CDH11: variants seen among roughly 807,000 people sequenced by gnomAD.
The protein encoded by CDH11 is cadherin 11.
Under a neutral mutation model 67.8 loss-of-function variants are expected in CDH11, and 11 were observed. The ratio of observed to expected loss-of-function variants is 0.16; its 90% CI spans 0.10 to 0.27. The LOEUF is 0.27. Among genes scored for constraint, CDH11 ranks in the 10% least tolerant of loss-of-function variants. CDH11 has a pLI of 1.00. For synonymous variants in CDH11, 419 were observed against 400.0 expected, an observed-to-expected ratio of 1.05 and a Z score of -0.57; for missense variants, 847 against 1,031.2, an observed-to-expected ratio of 0.82 and a Z score of 2.45.
At chr16:64,972,086 A>C in intron 9 of CDH11, 22 bp from the exon 10 acceptor site, 1 of 1,612,238 alleles carries the variant, frequency 6.2e-7, no homozygotes, top group Non-Finnish European at 8.5e-7. Flanking sequence ...GAATGCAGAC[A>C]GTCAAGAAAG....
At chr16:64,948,477 G>A in intron 12 of CDH11, 1 of 810,034 alleles carries the variant, frequency 1.2e-6, no homozygotes, top group Non-Finnish European at 2.1e-6. Flanking sequence ...GAAGGTAGCT[G>A]TTTTTCCAAG....
intron 1 of CDH11, among the ~76,000 whole-genome samples, chr16:65,110,506 G>T (rs1324515339): frequency 6.6e-6 from 1 of 152,028 alleles, no homozygotes; most frequent in African/African-American, 2.4e-5. Context: ...AAGGCACCAC[G>T]GTTGTCCCCG....
At chr16:65,039,736 T>C (rs1172367046) in intron 2 of CDH11, among the ~76,000 whole-genome samples, 1 of 152,138 alleles carries the variant, frequency 6.6e-6, no homozygotes, top group Non-Finnish European at 1.5e-5. Context: ...AAAGAGCTTC[T>C]GCACAGCAAA....
At chr16:65,062,112 A>G (rs1273620577) in intron 1 of CDH11, among the ~76,000 whole-genome samples, 1 of 152,220 alleles carries the variant, frequency 6.6e-6, no homozygotes, top group African/African-American at 2.4e-5. Context: ...CAATGATTTA[A>G]AAGAAACATG....
At chr16:64,975,535 T>G (rs1376412343) in intron 8 of CDH11, among the ~76,000 whole-genome samples, 1 of 152,038 alleles carries the variant, frequency 6.6e-6, no homozygotes, top group African/African-American at 2.4e-5. Context: ...AAAGCCCAAG[T>G]AGGATTTAGT....
chr16:65,061,749 C>T (rs1464642787), intron 1 of CDH11, among the ~76,000 whole-genome samples: 1 of 152,206 alleles, frequency 6.6e-6, no homozygotes, highest in Non-Finnish European at 1.5e-5. Flanking sequence ...ATTTCTCTAT[C>T]CCCCAGGAGC....
intron 3 of CDH11, among the ~76,000 whole-genome samples, chr16:65,002,031 AG>A (rs1262177743): frequency 1.3e-5 from 2 of 152,164 alleles, no homozygotes; most frequent in Non-Finnish European, 2.9e-5. Flanking sequence ...ATCAAATCAA[AG>A]GTTGTTAGGA....
At chr16:64,987,948 A>G in intron 7 of CDH11, 1 of 429,520 alleles carries the variant, frequency 2.3e-6, no homozygotes. Flanking sequence ...TCAGGCAGGT[A>G]TCACCAGCCC....
chr16:64,951,638 T>G (rs2071364678), intron 11 of CDH11, among the ~76,000 whole-genome samples: 1 of 152,046 alleles, frequency 6.6e-6, no homozygotes, highest in African/African-American at 2.4e-5. Context: ...AATATTCAAG[T>G]GTGTGTGAGA....
At chr16:64,970,251 C>T (rs1481173143) in intron 11 of CDH11, among the ~76,000 whole-genome samples, 2 of 152,080 alleles carry the variant, frequency 1.3e-5, no homozygotes, top group African/African-American at 4.8e-5. Flanking sequence ...TTATAAGGCC[C>T]ATAATTAAAT....
At chr16:65,085,279 T>G (rs1485795942) in intron 1 of CDH11, among the ~76,000 whole-genome samples, 1 of 152,190 alleles carries the variant, frequency 6.6e-6, no homozygotes, top group East Asian at 1.9e-4. Flanking sequence ...CAAAGCTGCA[T>G]AGTGGTTAAA....
intron 1 of CDH11, among the ~76,000 whole-genome samples, chr16:65,061,154 G>A (rs202103456): frequency 3.3e-5 from 5 of 152,206 alleles, no homozygotes; most frequent in Admixed American, 2.6e-4. Flanking sequence ...GTGGCTATTT[G>A]GTCCTCCCAA....
chr16:64,962,011 G>C (rs1455450911), intron 11 of CDH11, among the ~76,000 whole-genome samples: 3 of 151,964 alleles, frequency 2.0e-5, no homozygotes, highest in Admixed American at 2.0e-4. Context: ...AACCAAGAAT[G>C]GCCATTACTG....
intron 1 of CDH11, among the ~76,000 whole-genome samples, chr16:65,076,336 G>A (rs915626562): frequency 1.1e-4 from 16 of 151,700 alleles, no homozygotes; most frequent in African/African-American, 3.4e-4. Flanking sequence ...GGGTGATGCC[G>A]ACAAACCAAA....
chr16:64,982,257 C>T lies in CDH11; in HGVS notation c.1044G>A (p.Glu348=), dbSNP rs1269392989. 6.2e-7 allele frequency: 1 copy of T among 1,613,288 alleles called. No homozygotes were observed. The highest frequency in any genetic ancestry group is 1.3e-5 in the African/African-American group (1 of 74,892). ...TCGGGTCGATGTGCACGTTGGCTGC[C>T]TCTACCTTCAAGCTATAGGCTCTTT... is the stretch of plus-strand genomic sequence containing the variant. ...ETKRAYSLKV[E]AANVHIDPKF... The change falls in exon 8 of 13, where the codon GAG becomes GAA. Residue 348 remains glutamate, a synonymous_variant. Transcript: ENST00000268603.
At chr16:64,961,566 T>C (rs988423544) in intron 11 of CDH11, among the ~76,000 whole-genome samples, 3 of 152,144 alleles carry the variant, frequency 2.0e-5, no homozygotes, top group Non-Finnish European at 4.4e-5. Flanking sequence ...AATTTACAAC[T>C]GTTTTATAAA....
Position 64,982,061 on chromosome 16 carries a change from T to G in CDH11, c.1240A>C (p.Asn414His). ...ATCCGTCTGTACCTTATCGGGCTGTTGGCAGCATCAGGGTCTTTGGCATGC... is the reference window on the plus strand; with the variant it reads ...ATCCGTCTGTACCTTATCGGGCTGTGGGCAGCATCAGGGTCTTTGGCATGC... ...RVHAKDPDAA[N>H]SPIRYSIDRH... Residue 414 changes from asparagine to histidine, a missense_variant, in exon 8 of 13, where the codon AAC (asparagine) becomes CAC (histidine). This residue lies in a region of CDH11 where 612 missense variants were observed against 678.7 expected (regional missense o/e 0.90). Coordinates refer to ENST00000268603, the MANE Select transcript of CDH11 (RefSeq NM_001797.4). The G allele has an allele frequency of 6.2e-7, 1 of 1,612,730 alleles. No individual in the cohort carries two copies. The highest frequency in any genetic ancestry group is 1.1e-5 in the South Asian group (1 of 90,946).
At chr16:65,115,413 T>C (rs991350601) in intron 1 of CDH11, among the ~76,000 whole-genome samples, 14 of 152,126 alleles carry the variant, frequency 9.2e-5, no homozygotes, top group African/African-American at 3.4e-4. Flanking sequence ...TCTGGCCTTA[T>C]AATGGATAAG....
At chr16:65,023,422 G>T (rs1243446348) in intron 2 of CDH11, among the ~76,000 whole-genome samples, 1 of 152,148 alleles carries the variant, frequency 6.6e-6, no homozygotes, top group Non-Finnish European at 1.5e-5. Context: ...GTCACAGGGT[G>T]AATCCCAAAA....
Sources: allele counts gnomAD v4.1 joint callset (sites outside exome capture counted in the v4.1 genomes callset), GRCh38; gene constraint gnomAD v4.1.1; regional missense constraint gnomAD v4.1.1; transcripts MANE v1.5; gene names NCBI Gene and HGNC (gene_info 2026-07-23, HGNC 2026-07-21).